Variants in SCLT1 observed in about 807,000 individuals in gnomAD.
SCLT1 encodes the protein sodium channel-associated protein 1.
A neutral mutation model predicts 112.8 loss-of-function variants in SCLT1; 78 were observed. The observed-to-expected ratio is 0.69, with a 90% CI of 0.58 to 0.83. The LOEUF (loss-of-function observed/expected upper bound fraction) is 0.83, where lower values mean the gene tolerates loss of function less well. Among genes scored for constraint, SCLT1 ranks in the 40% least tolerant of loss-of-function variants. The pLI, the probability that SCLT1 is intolerant of heterozygous loss-of-function variation, is 0.00. For missense variants in SCLT1, 747 were observed against 770.4 expected (o/e 0.97, Z 0.36); for synonymous variants, 257 against 254.7 (o/e 1.01, Z -0.09).
Position 129,039,759 on chromosome 4 carries a change from G to T in SCLT1, c.235-663C>A, listed in dbSNP as rs182606517. ...AATGAAGGTCTGATTAACGTTCTCT[G>T]AAGGAGTAAAAAGATGTTAGGATTT... On this transcript the variant is annotated intron_variant, in intron 4 of 20. Transcript: ENST00000281142. 2.4e-5 allele frequency: 4 copies of T among 165,324 alleles called. No individual in the cohort carries two copies. The East Asian group carries it at 4.8e-4, about 20-fold the overall frequency. The allele number at this position is 165,324 out of a possible 1,614,324, so 10.2% of individuals were successfully genotyped here. A position where few individuals can be genotyped will look rare whatever the true frequency, so the allele number is the denominator to read the frequency against.
Position 129,039,116 on chromosome 4 carries a change from T to C in SCLT1, c.235-20A>G, listed in dbSNP as rs1747445881. 1.3e-6 allele frequency: 2 copies of C among 1,564,066 alleles called. No individual in the cohort carries two copies. The highest frequency in any genetic ancestry group is 1.3e-5 in the African/African-American group (1 of 74,102). On this transcript the variant is annotated intron_variant, in intron 4 of 20. Coordinates refer to ENST00000281142, the MANE Select transcript of SCLT1 (RefSeq NM_144643.4). ...CTGTTTCTGAAAGAATAAAATATGG[T>C]GTGGCAATACATTTTGCAGACAATC...
At chr4:129,042,995 C>T (rs1384157927) in intron 4 of SCLT1, among the ~76,000 whole-genome samples, 1 of 152,002 alleles carries the variant, frequency 6.6e-6, no homozygotes, top group Non-Finnish European at 1.5e-5. Flanking sequence ...ATCACTTGAA[C>T]CAGGGAGTCA....
At chr4:128,993,332 C>T (rs1287559209) in intron 8 of SCLT1, among the ~76,000 whole-genome samples, 1 of 152,038 alleles carries the variant, frequency 6.6e-6, no homozygotes, top group East Asian at 1.9e-4. Context: ...TCCCAGAACT[C>T]CTAGTGCCTG....
chr4:128,983,272 C>T (rs956331168), intron 9 of SCLT1, among the ~76,000 whole-genome samples: 6 of 152,074 alleles, frequency 3.9e-5, no homozygotes, highest in Non-Finnish European at 8.8e-5. Flanking sequence ...TCTTTCCCTT[C>T]GAAGACTTTA....
chr4:129,023,224 A>G (rs1030569298), intron 5 of SCLT1, among the ~76,000 whole-genome samples: 8 of 152,344 alleles, frequency 5.3e-5, no homozygotes, highest in Admixed American at 2.0e-4. Flanking sequence ...GACACTATGA[A>G]GAAACTGCCT....
At chr4:129,031,528 G>T (rs1283769787) in intron 5 of SCLT1, among the ~76,000 whole-genome samples, 3 of 152,112 alleles carry the variant, frequency 2.0e-5, no homozygotes, top group Admixed American at 1.3e-4. Context: ...AATTGTGTCT[G>T]TTTGACTGCA....
At position 129,057,027 on chromosome 4, in the gene SCLT1, C is replaced by T. The variant is rs72926010; in HGVS notation, c.103-12976G>A. Among the ~76,000 whole-genome samples, 716 of 152,194 alleles carry T rather than the reference C, an allele frequency of 4.7e-3. 4 individuals are homozygous for T. The highest frequency in any genetic ancestry group is 0.016 in the African/African-American group (657 of 41,546). On this transcript the variant is annotated intron_variant, in intron 2 of 20. Transcript: ENST00000281142. The stretch of plus-strand genomic sequence containing the variant: ...TTACTTTTACACCTAATGTGTTGAA[C>T]GTTTTTTTAAATCAAGAAGATATGT...
chr4:128,942,893 G>T, intron 17 of SCLT1, 103 bp downstream of exon 17: 1 of 757,276 alleles, frequency 1.3e-6, no homozygotes, highest in Admixed American at 2.6e-5. Context: ...TGATGAGAAG[G>T]CAAAAAAAAA....
chr4:129,032,113 A>T (rs1746776284), intron 5 of SCLT1, among the ~76,000 whole-genome samples: 1 of 152,190 alleles, frequency 6.6e-6, no homozygotes, highest in South Asian at 2.1e-4. Flanking sequence ...TAACCAAAAC[A>T]GCATGTTACT....
intron 5 of SCLT1, among the ~76,000 whole-genome samples, chr4:129,034,057 T>C (rs1253488014): frequency 6.6e-6 from 1 of 152,200 alleles, no homozygotes; most frequent in African/African-American, 2.4e-5. Context: ...ATTTCTTTTC[T>C]CTTTTTCACT....
chr4:128,953,560 C>T (rs548699276), intron 13 of SCLT1, among the ~76,000 whole-genome samples: 10 of 151,794 alleles, frequency 6.6e-5, no homozygotes, highest in African/African-American at 2.2e-4. Flanking sequence ...TTTGGGAGGC[C>T]GAGGTGGGCA....
chr4:128,907,761 C>T (rs925502847), intron 18 of SCLT1, among the ~76,000 whole-genome samples: 1 of 152,138 alleles, frequency 6.6e-6, no homozygotes, highest in Non-Finnish European at 1.5e-5. Flanking sequence ...AGAGTTTCCA[C>T]ACTAATTGTA....
At chr4:129,044,844 GGAAAA>G (rs1748036956) in intron 2 of SCLT1, among the ~76,000 whole-genome samples, 1 of 135,514 alleles carries the variant, frequency 7.4e-6, no homozygotes, top group African/African-American at 2.7e-5. Flanking sequence ...AAAAAAAAAA[GGAAAA>G]GAAAAAAGAA....
chr4:129,046,617 A>G (rs1748206254), intron 2 of SCLT1, among the ~76,000 whole-genome samples: 1 of 152,108 alleles, frequency 6.6e-6, no homozygotes, highest in Non-Finnish European at 1.5e-5. Flanking sequence ...TTATTTGACT[A>G]TTATAAACAG....
chr4:129,000,247 C>A (rs1743359315), intron 6 of SCLT1, among the ~76,000 whole-genome samples: 1 of 151,758 alleles, frequency 6.6e-6, no homozygotes, highest in Non-Finnish European at 1.5e-5. Flanking sequence ...AATTTTACTA[C>A]CTGATAATAA....
At chr4:128,890,693 A>G (rs970556199) in intron 19 of SCLT1, among the ~76,000 whole-genome samples, 10 of 152,204 alleles carry the variant, frequency 6.6e-5, no homozygotes, top group African/African-American at 2.4e-4. Flanking sequence ...TCCAGTAGGC[A>G]AAAGTATTTT....
chr4:129,087,581 T>C (rs1752499531), intron 1 of SCLT1, among the ~76,000 whole-genome samples: 1 of 150,188 alleles, frequency 6.7e-6, no homozygotes, highest in South Asian at 2.1e-4. Flanking sequence ...ACCCGGCTTC[T>C]ACAAAAAATA....
At chr4:129,061,902 G>A (rs746499822) in intron 2 of SCLT1, among the ~76,000 whole-genome samples, 1 of 152,116 alleles carries the variant, frequency 6.6e-6, no homozygotes, top group African/African-American at 2.4e-5. Flanking sequence ...CAGGTGTCAG[G>A]GTACAGTGTT....
At chr4:128,877,290 G>T (rs1732543959) in intron 3 of SCLT1, among the ~76,000 whole-genome samples, 1 of 152,186 alleles carries the variant, frequency 6.6e-6, no homozygotes, top group Non-Finnish European at 1.5e-5. Context: ...GAGAAATTAA[G>T]TAATTTGCTC....
Sources: allele counts gnomAD v4.1 joint callset (sites outside exome capture counted in the v4.1 genomes callset), GRCh38; gene constraint gnomAD v4.1.1; transcripts MANE v1.5; gene names NCBI Gene and HGNC (gene_info 2026-07-23, HGNC 2026-07-21).